Variants in DOCK1 observed in about 807,000 individuals in gnomAD.
DOCK1 encodes dedicator of cytokinesis protein 1.
In DOCK1, 138 loss-of-function variants were observed where a neutral mutation model predicts 262.7. That is an observed-to-expected ratio of 0.53 (90% CI 0.46 to 0.61). The LOEUF (loss-of-function observed/expected upper bound fraction) is 0.61. Among genes scored for constraint, DOCK1 ranks in the 20% least tolerant of loss-of-function variants. The pLI, the probability that DOCK1 is intolerant of heterozygous loss-of-function variation, is 0.00. For missense variants in DOCK1, 1,908 were observed against 2,370.7 expected (o/e 0.80, Z 4.05); for synonymous variants, 866 against 867.4 (o/e 1.00, Z 0.03).
At chr10:127,243,041 A>T (rs1171528900) in intron 27 of DOCK1, among the ~76,000 whole-genome samples, 1 of 152,150 alleles carries the variant, frequency 6.6e-6, no homozygotes, top group East Asian at 1.9e-4. Flanking sequence ...TGTCCCAGAG[A>T]GCAAATCTGT....
intron 50 of DOCK1, among the ~76,000 whole-genome samples, chr10:127,444,992 A>G (rs2070443642): frequency 1.3e-5 from 2 of 151,914 alleles, no homozygotes; most frequent in Non-Finnish European, 2.9e-5. Flanking sequence ...CATTGGATAT[A>G]GGGTCCACTG....
At chr10:127,332,709 C>T (rs541583087) in intron 29 of DOCK1, among the ~76,000 whole-genome samples, 5 of 152,252 alleles carry the variant, frequency 3.3e-5, no homozygotes, top group East Asian at 3.9e-4. Context: ...TACTGGGGGA[C>T]GTTCTTAGAA....
chr10:126,957,508 C>G (rs1340368552), intron 1 of DOCK1, among the ~76,000 whole-genome samples: 6 of 152,068 alleles, frequency 3.9e-5, no homozygotes, highest in African/African-American at 1.4e-4. Flanking sequence ...TTTTCAGAGC[C>G]AGAGTATCAC....
At chr10:127,410,700 C>A (rs545842041) in intron 42 of DOCK1, 140 bp from the exon 43 acceptor site, 11 of 674,036 alleles carry the variant, frequency 1.6e-5, no homozygotes, top group Non-Finnish European at 2.6e-5. Flanking sequence ...TGGGAGAGGA[C>A]ACCAAGGCGA....
At chr10:127,157,434 C>T (rs1027032262) in intron 27 of DOCK1, among the ~76,000 whole-genome samples, 1 of 152,210 alleles carries the variant, frequency 6.6e-6, no homozygotes, top group African/African-American at 2.4e-5. Context: ...GAATGGGAAG[C>T]CACTATAGTT....
intron 1 of DOCK1, among the ~76,000 whole-genome samples, chr10:126,906,468 C>T (rs981277881): frequency 2.0e-5 from 3 of 152,222 alleles, no homozygotes; most frequent in South Asian, 2.1e-4. Flanking sequence ...CTCTCCTGCT[C>T]TCCCGGGTCC....
intron 27 of DOCK1, chr10:127,137,413 T>A (rs1263561662): frequency 1.9e-5 from 3 of 155,958 alleles, no homozygotes; most frequent in Non-Finnish European, 4.2e-5. Flanking sequence ...ATGAAGTCCT[T>A]CGCAAACATA....
intron 3 of DOCK1, among the ~76,000 whole-genome samples, chr10:126,979,273 CTACTTGAG>C (rs1294014252): frequency 1.3e-5 from 2 of 152,150 alleles, no homozygotes; most frequent in Non-Finnish European, 2.9e-5. Context: ...GTAGGCCCAG[CTACTTGAG>C]AGACTGAAGT....
intron 50 of DOCK1, among the ~76,000 whole-genome samples, chr10:127,447,049 C>G (rs902480684): frequency 2.6e-5 from 4 of 152,122 alleles, no homozygotes; most frequent in Middle Eastern, 3.2e-3. Context: ...TCCTGTGGCA[C>G]CCAGCTGTTT....
intron 30 of DOCK1, among the ~76,000 whole-genome samples, chr10:127,342,916 ATTCTT>A (rs2063494775): frequency 6.6e-6 from 1 of 152,160 alleles, no homozygotes; most frequent in Admixed American, 6.5e-5. Flanking sequence ...AATCTATACT[ATTCTT>A]AAGTGAGGAG....
intron 21 of DOCK1, 34 bp downstream of exon 21, chr10:127,043,198 C>G: frequency 6.7e-7 from 1 of 1,483,208 alleles, no homozygotes; most frequent in African/African-American, 1.4e-5. Context: ...ACCAATACTT[C>G]TTTTTTTGGT....
At chr10:127,043,858 C>T (rs1199461823) in intron 21 of DOCK1, among the ~76,000 whole-genome samples, 2 of 152,212 alleles carry the variant, frequency 1.3e-5, no homozygotes, top group Non-Finnish European at 2.9e-5. Flanking sequence ...GTACCTCAGC[C>T]TTCTTGTCTG....
At chr10:127,196,082 C>T (rs1357234320) in intron 27 of DOCK1, 1 of 152,180 alleles carries the variant, frequency 6.6e-6, no homozygotes, top group Admixed American at 6.5e-5. Flanking sequence ...CCTGGGGCGG[C>T]ACGGAGCACT....
rs577497903 is a variant in DOCK1, at chr10:127,451,902, T to C, written c.*475T>C. 5 of 169,946 alleles carry C rather than the reference T, an allele frequency of 2.9e-5. No homozygotes were observed. Among genetic ancestry groups the C allele is most frequent in the African/African-American group, 1.2e-4 (5 of 41,956 alleles). 10.5% of individuals were successfully genotyped at this position (169,946 alleles called of 1,614,324 possible). On this transcript the variant is annotated 3_prime_UTR_variant, in exon 52 of 52. Transcript: ENST00000623213. Reference sequence around the variant, plus strand: ...TCCTTGTTCCAGCCGGTGGTGTGACTTCGTTGGTTGAGGTGTGTCTCCAAC... The same window carrying C: ...TCCTTGTTCCAGCCGGTGGTGTGACCTCGTTGGTTGAGGTGTGTCTCCAAC...
intron 1 of DOCK1, among the ~76,000 whole-genome samples, chr10:126,968,113 G>A (rs2037813501): frequency 6.6e-6 from 1 of 152,136 alleles, no homozygotes; most frequent in Admixed American, 6.5e-5. Flanking sequence ...TTACAGGCAT[G>A]AGCTGCCACA....
chr10:127,439,289 T>G, intron 49 of DOCK1, 64 bp downstream of exon 49: 2 of 1,519,452 alleles, frequency 1.3e-6, no homozygotes, highest in South Asian at 2.5e-5. Context: ...TTGCCCCACC[T>G]GTAGCCAACA....
intron 29 of DOCK1, among the ~76,000 whole-genome samples, chr10:127,322,195 T>TA (rs1230281243): frequency 6.6e-6 from 1 of 151,578 alleles, no homozygotes; most frequent in East Asian, 1.9e-4. Context: ...CCCTTTTTTT[T>TA]TTTTTTTTCC....
chr10:126,923,850 A>C (rs1185299205), intron 1 of DOCK1, among the ~76,000 whole-genome samples: 1 of 152,158 alleles, frequency 6.6e-6, no homozygotes, highest in Non-Finnish European at 1.5e-5. Flanking sequence ...GAGGCCCCGG[A>C]GAGCTTGTTC....
chr10:127,016,923 C>CCA lies in DOCK1; in HGVS notation c.1202-1771_1202-1770dup, dbSNP rs57658043. On this transcript the variant is annotated intron_variant, in intron 12 of 51. Coordinates refer to ENST00000623213, the MANE Select transcript of DOCK1 (RefSeq NM_001290223.2). ...ACCACAAACACAGATACACCACACA[C>CCA]CACACACACACACACACCACAGACA... Among the ~76,000 whole-genome samples, 1,297 of 139,536 alleles carry CCA rather than the reference C, an allele frequency of 9.3e-3. 15 individuals carry two copies. Among genetic ancestry groups the CCA allele is most frequent in the Non-Finnish European group, 0.013 (809 of 64,504 alleles). The allele number at this position is 139,536 out of a possible 152,430, so 91.5% of individuals were successfully genotyped here. A position where few individuals can be genotyped will look rare whatever the true frequency, so the allele number is the denominator to read the frequency against.
Sources: gnomAD v4.1 joint callset for allele counts (sites outside exome capture counted in the v4.1 genomes callset) on GRCh38, gnomAD v4.1.1 for gene constraint, MANE v1.5 for transcripts, NCBI Gene and HGNC (gene_info 2026-07-23, HGNC 2026-07-21) for gene names.